Variants in TRAK1 observed in about 807,000 individuals in gnomAD.
The protein encoded by TRAK1 is trafficking kinesin-binding protein 1.
TRAK1 carries 33 observed loss-of-function variants against 92.1 expected under a neutral mutation model. That is an observed-to-expected ratio of 0.36 (90% CI 0.27 to 0.48). The LOEUF (loss-of-function observed/expected upper bound fraction) is 0.48. TRAK1 is among the 20% of genes least tolerant of loss of function. TRAK1 has a pLI of 0.99. For synonymous variants in TRAK1, 521 were observed against 517.3 expected, an observed-to-expected ratio of 1.01 and a Z score of -0.10; for missense variants, 1,123 against 1,257.9, an observed-to-expected ratio of 0.89 and a Z score of 1.62.
chr3:42,124,574 G>T (rs1183164003), intron 1 of TRAK1, among the ~76,000 whole-genome samples: 1 of 152,220 alleles, frequency 6.6e-6, no homozygotes, highest in Non-Finnish European at 1.5e-5. Context: ...GCATTAGTAT[G>T]CACCCCCTGA....
chr3:42,208,960 C>T (rs1317916720), intron 13 of TRAK1, among the ~76,000 whole-genome samples: 1 of 152,234 alleles, frequency 6.6e-6, no homozygotes, highest in East Asian at 1.9e-4. Flanking sequence ...GGCCTAGGAA[C>T]ACTTCTCTTT....
rs1427982271 is a variant in TRAK1, at chr3:42,023,457, C to T, written c.-519+9340C>T. ...TTTACTTTGGTAAACGTGTCCTAGG[C>T]CGTATGTGATCCTAGACCTTATCTT... On this transcript the variant is annotated intron_variant, in intron 1 of 16. Transcript: ENST00000487159. Among the ~76,000 whole-genome samples the T allele has an allele frequency of 2.0e-5, 3 of 152,176 alleles. No homozygotes were observed. The East Asian group carries it at 5.8e-4, about 29-fold the overall frequency.
Position 42,047,735 on chromosome 3 carries a change from A to G in TRAK1, c.-519+33618A>G, listed in dbSNP as rs763434418. On this transcript the variant is annotated intron_variant, in intron 1 of 16. Coordinates refer to the TRAK1 transcript ENST00000487159. ...AAGGTTCCAATTATTTAGGAAAGAG[A>G]TGAAAGTAAGAAACCATCCCAAATT... is the stretch of plus-strand genomic sequence containing the variant. Among the ~76,000 whole-genome samples, 9 of 152,162 alleles carry G rather than the reference A, an allele frequency of 5.9e-5. No homozygotes were observed. In the South Asian group the frequency reaches 8.3e-4, roughly 14 times the overall value.
chr3:42,215,416 T>G (rs991436482), intron 14 of TRAK1, among the ~76,000 whole-genome samples: 9 of 152,342 alleles, frequency 5.9e-5, no homozygotes, highest in Admixed American at 5.9e-4. Context: ...GACACACCCT[T>G]AAGCTGGATG....
intron 2 of TRAK1, among the ~76,000 whole-genome samples, chr3:42,162,825 G>A (rs568612360): frequency 7.2e-5 from 11 of 152,250 alleles, no homozygotes; most frequent in East Asian, 5.8e-4. Context: ...TATTACCCTC[G>A]TGCTCATCTG....
At chr3:42,066,455 T>C (rs1305396088) in intron 1 of TRAK1, among the ~76,000 whole-genome samples, 1 of 151,586 alleles carries the variant, frequency 6.6e-6, no homozygotes, top group African/African-American at 2.4e-5. Flanking sequence ...GCACCCAGCG[T>C]GGGAAGGCTG....
chr3:42,110,670 G>T (rs914330664), intron 1 of TRAK1, among the ~76,000 whole-genome samples: 2 of 152,154 alleles, frequency 1.3e-5, no homozygotes, highest in Non-Finnish European at 2.9e-5. Context: ...GCTTTTTGTG[G>T]CCCAGGAGGG....
intron 2 of TRAK1, among the ~76,000 whole-genome samples, chr3:42,128,788 A>G (rs1710921568): frequency 6.6e-6 from 1 of 152,226 alleles, no homozygotes; most frequent in Admixed American, 6.5e-5. Context: ...ACTGCCATGA[A>G]GTTACATTTG....
At chr3:42,072,106 C>T (rs536709020) in intron 1 of TRAK1, among the ~76,000 whole-genome samples, 15 of 152,330 alleles carry the variant, frequency 9.8e-5, no homozygotes. Context: ...AGGCTGGCGT[C>T]GTGCCCCTTG....
chr3:42,179,049 A>T (rs887875336), intron 3 of TRAK1, among the ~76,000 whole-genome samples: 2 of 152,198 alleles, frequency 1.3e-5, no homozygotes, highest in African/African-American at 2.4e-5. Flanking sequence ...ACATTTTTAA[A>T]TTAAAAAATT....
intron 1 of TRAK1, among the ~76,000 whole-genome samples, chr3:42,041,198 T>G (rs144676374): frequency 1.3e-5 from 2 of 152,100 alleles, no homozygotes; most frequent in Non-Finnish European, 2.9e-5. Context: ...GTAGATCAAT[T>G]TCAGGAGTAT....
chr3:42,176,467 G>A (rs1703224886), intron 2 of TRAK1, among the ~76,000 whole-genome samples: 1 of 152,194 alleles, frequency 6.6e-6, no homozygotes. Flanking sequence ...ATGGGTGGCT[G>A]TGCTACTGGC....
chr3:42,205,610 C>G (rs1708243199), intron 13 of TRAK1, among the ~76,000 whole-genome samples: 1 of 152,212 alleles, frequency 6.6e-6, no homozygotes, highest in Non-Finnish European at 1.5e-5. Flanking sequence ...GTAATTTGCA[C>G]TTCCTTTCTG....
intron 1 of TRAK1, among the ~76,000 whole-genome samples, chr3:42,096,961 C>T (rs1167427755): frequency 6.6e-6 from 1 of 152,230 alleles, no homozygotes; most frequent in Non-Finnish European, 1.5e-5. Flanking sequence ...TATTCCCAGA[C>T]CTCTGCCTTT....
At chr3:42,190,547 C>G (rs1209979709) in intron 6 of TRAK1, among the ~76,000 whole-genome samples, 1 of 152,180 alleles carries the variant, frequency 6.6e-6, no homozygotes, top group Non-Finnish European at 1.5e-5. Flanking sequence ...AGTGCTACCT[C>G]TTCCAGCACC....
chr3:42,017,973 G>T (rs1426161645), intron 1 of TRAK1, among the ~76,000 whole-genome samples: 1 of 150,684 alleles, frequency 6.6e-6, no homozygotes, highest in East Asian at 1.9e-4. Flanking sequence ...ACAGGTTCTT[G>T]CTATGTAACA....
In TRAK1 at chr3:42,149,139, G is replaced by A. The variant is rs1041576095; in HGVS notation, c.286+23525G>A. On this transcript the variant is annotated intron_variant, in intron 2 of 15. Transcript: ENST00000327628. ...ACGGTTAGATTGAAAGATGAGCGGC[G>A]AGCAGGAGACGAGGCTTGAGTGAGA... is the stretch of plus-strand genomic sequence containing the variant. 7.2e-6 allele frequency: 7 copies of A among 977,218 alleles called. No individual in the cohort carries two copies. The African/African-American group carries it at 8.7e-5, about 12-fold the overall frequency. 60.5% of individuals were successfully genotyped at this position (977,218 alleles called of 1,614,324 possible).
rs1317267233 is a variant in TRAK1, at chr3:42,075,578, AG to A, written c.-518-11524del. On this transcript the variant is annotated intron_variant, in intron 1 of 16. Coordinates refer to the TRAK1 transcript ENST00000487159. ...TAAATCTCCAGACTGCTTTCCACTG[AG>A]GCTGACCTAATTTATAATACATTTC... Among the ~76,000 whole-genome samples, 8 of 152,294 alleles carry A rather than the reference AG, an allele frequency of 5.3e-5. 1 individual carries two copies. The Middle Eastern group carries it at 0.014, about 259-fold the overall frequency.
intron 2 of TRAK1, among the ~76,000 whole-genome samples, chr3:42,148,663 G>T (rs1201134700): frequency 6.6e-6 from 1 of 152,180 alleles, no homozygotes; most frequent in African/African-American, 2.4e-5. Flanking sequence ...CAAGCCCTTT[G>T]TGATGGCGCC....
Sources: allele counts gnomAD v4.1 joint callset (sites outside exome capture counted in the v4.1 genomes callset), GRCh38; gene constraint gnomAD v4.1.1; transcripts MANE v1.5; gene names NCBI Gene and HGNC (gene_info 2026-07-23, HGNC 2026-07-21).